Variants in BLTP1 observed in about 807,000 individuals in gnomAD.
BLTP1 encodes fragile site-associated protein.
chr4:122,187,550 A>G, the BLTP1 span: 1 of 1,569,056 alleles, frequency 6.4e-7, no homozygotes, highest in Non-Finnish European at 8.6e-7. Flanking sequence ...TTCATGGGGT[A>G]GTAATGTAGA....
At chr4:122,219,279 A>G in the BLTP1 span, 2,004 of 1,569,376 alleles carry the variant, frequency 1.3e-3, 27 homozygotes, top group African/African-American at 0.025. Context: ...TTAGGCTCAT[A>G]GGTGAAAATA....
At chr4:122,234,708 G>T in the BLTP1 span, 2 of 1,505,458 alleles carry the variant, frequency 1.3e-6, no homozygotes, top group African/African-American at 2.8e-5. Context: ...CTATCAAAAA[G>T]TTTTTCATTT....
the BLTP1 span, among the ~76,000 whole-genome samples, chr4:122,195,021 TCTC>T: frequency 6.6e-6 from 1 of 152,340 alleles, no homozygotes; most frequent in African/African-American, 2.4e-5. Flanking sequence ...CGTTTCCTCT[TCTC>T]CTTCCCTGTA....
the BLTP1 span, among the ~76,000 whole-genome samples, chr4:122,314,762 C>T: frequency 5.9e-5 from 9 of 152,092 alleles, no homozygotes; most frequent in African/African-American, 4.8e-5. Flanking sequence ...AATAAATCTT[C>T]GTCAGGACTT....
At chr4:122,353,453 T>C in the BLTP1 span, among the ~76,000 whole-genome samples, 1 of 152,160 alleles carries the variant, frequency 6.6e-6, no homozygotes, top group African/African-American at 2.4e-5. This position sits in a 1 kb window ranked among gnomAD's most constrained non-coding sequence, Gnocchi z 4.3. Context: ...AACATAGTGG[T>C]AGTGTGAGGA....
chr4:122,206,740 A>G, the BLTP1 span, among the ~76,000 whole-genome samples: 20 of 151,994 alleles, frequency 1.3e-4, no homozygotes, highest in Admixed American at 5.9e-4. Context: ...GAAGCAACAC[A>G]TAAAAAATGT....
chr4:122,305,496 C>G, the BLTP1 span: 1 of 981,296 alleles, frequency 1.0e-6, no homozygotes, highest in Non-Finnish European at 1.2e-6. Flanking sequence ...TTTGAAGAAC[C>G]AAGTAGAAAA....
chr4:122,210,999 A>G, the BLTP1 span: 1 of 1,612,390 alleles, frequency 6.2e-7, no homozygotes, highest in African/African-American at 1.3e-5. Flanking sequence ...ATCCCTCAGA[A>G]CTTCCACCTG....
At chr4:122,215,204 A>G in the BLTP1 span, 1 of 351,052 alleles carries the variant, frequency 2.8e-6, no homozygotes, top group Non-Finnish European at 4.0e-6. Flanking sequence ...AGAATTTGAT[A>G]TGAATTATTT....
chr4:122,253,301 A>T, the BLTP1 span, among the ~76,000 whole-genome samples: 1 of 152,110 alleles, frequency 6.6e-6, no homozygotes, highest in African/African-American at 2.4e-5. Flanking sequence ...ACCTCACCAA[A>T]TGAATTAAAT....
chr4:122,226,804 A>G, the BLTP1 span: 3 of 1,612,158 alleles, frequency 1.9e-6, no homozygotes, highest in South Asian at 1.1e-5. Context: ...ATATGTCAGC[A>G]TGGAATTGAT....
chr4:122,258,875 C>T, the BLTP1 span: 124,671 of 1,431,174 alleles, frequency 0.087, 6,869 homozygotes, highest in African/African-American at 0.26. Flanking sequence ...TTAGAGTTAT[C>T]CAGACTTACA....
the BLTP1 span, chr4:122,182,840 C>T: frequency 3.0e-6 from 3 of 984,372 alleles, no homozygotes; most frequent in Non-Finnish European, 3.6e-6. Flanking sequence ...TTTTTAAATC[C>T]CTCTCCCAGC....
At chr4:122,226,055 T>C in the BLTP1 span, 1 of 152,430 alleles carries the variant, frequency 6.6e-6, no homozygotes, top group Admixed American at 6.5e-5. Flanking sequence ...TTATGTTTAT[T>C]CCATTCTCTG....
chr4:122,321,935 C>CT, the BLTP1 span, among the ~76,000 whole-genome samples: 348 of 40,930 alleles, frequency 8.5e-3, 2 homozygotes, highest in Middle Eastern at 0.043. Flanking sequence ...TTTTCATTAT[C>CT]TTTTTTTTTT....
the BLTP1 span, chr4:122,208,131 A>G: frequency 1.0e-6 from 1 of 978,496 alleles, no homozygotes; most frequent in Non-Finnish European, 1.2e-6. Context: ...TACTGGTAAA[A>G]TTAGCAACAT....
the BLTP1 span, chr4:122,198,195 G>A: frequency 1.0e-6 from 1 of 970,966 alleles, no homozygotes; most frequent in South Asian, 4.8e-5. Context: ...ACTGTGAATG[G>A]CATAGTGTAT....
the BLTP1 span, among the ~76,000 whole-genome samples, chr4:122,180,610 T>C: frequency 1.3e-4 from 20 of 152,188 alleles, no homozygotes; most frequent in Non-Finnish European, 2.2e-4. Context: ...GTAAATGCAT[T>C]TTGTAGAACT....
chr4:122,301,175 C>T, the BLTP1 span: 1 of 1,167,172 alleles, frequency 8.6e-7, no homozygotes, highest in Non-Finnish European at 1.2e-6. Flanking sequence ...TGTAACTTAG[C>T]TAAAGATCTC....
Sources: allele counts gnomAD v4.1 joint callset (sites outside exome capture counted in the v4.1 genomes callset), GRCh38; gene constraint gnomAD v4.1.1; non-coding constraint Gnocchi (gnomAD v3.1); transcripts MANE v1.5; gene names NCBI Gene and HGNC (gene_info 2026-07-23, HGNC 2026-07-21).